The following LONP1 variants were observed in gnomAD, a reference collection of about 807,000 sequenced individuals.
The protein encoded by LONP1 is lon protease homolog, mitochondrial.
LONP1 carries 31 observed loss-of-function variants against 98.5 expected under a neutral mutation model. That is an observed-to-expected ratio of 0.31 (90% CI 0.24 to 0.42). The LOEUF is 0.42. LONP1 is among the 20% of genes least tolerant of loss of function. The probability of loss-of-function intolerance (pLI) is 1.00; values close to 1 mark genes in which losing one functional copy is unlikely to be tolerated. For synonymous variants in LONP1, 781 were observed against 594.7 expected, an observed-to-expected ratio of 1.31 and a Z score of -4.56; for missense variants, 1,336 against 1,350.6, an observed-to-expected ratio of 0.99 and a Z score of 0.17.
In LONP1 at chr19:5,700,684, CG is replaced by C. The variant is rs1325199318; in HGVS notation, c.1506+104del. On this transcript the variant is annotated intron_variant, in intron 9 of 17. Coordinates refer to ENST00000360614, the MANE Select transcript of LONP1 (RefSeq NM_004793.4). ...CCCCCGACCAGCACCCCCAGGCCTA[CG>C]AATTCACCAGGGGGCTCCTTTGAAA... 2.0e-6 allele frequency: 3 copies of C among 1,474,674 alleles called. No homozygotes were observed. The African/African-American group carries it at 4.2e-5, about 20-fold the overall frequency. The allele number at this position is 1,474,674 out of a possible 1,614,324, so 91.3% of individuals were successfully genotyped here. A position where few individuals can be genotyped will look rare whatever the true frequency, so the allele number is the denominator to read the frequency against.
chr19:5,720,148 G>A (rs1334078549), upstream of LONP1: 3 of 1,396,582 alleles, frequency 2.1e-6, 1 homozygote, highest in South Asian at 4.7e-5. Context: ...GGCCATACTG[G>A]CGGCTCACAC....
intron 11 of LONP1, 36 bp from the exon 12 acceptor site, chr19:5,696,407 T>G: frequency 1.2e-6 from 2 of 1,605,236 alleles, no homozygotes; most frequent in Admixed American, 3.3e-5. Context: ...CCCCTCGCCG[T>G]GCCCCTGGCC....
chr19:5,699,565 T>TG (rs1339725843), intron 9 of LONP1, among the ~76,000 whole-genome samples: 8 of 149,498 alleles, frequency 5.4e-5, no homozygotes, highest in African/African-American at 1.7e-4. Flanking sequence ...GTTTTTTTTT[T>TG]TTTTTTTTTT....
intron 1 of LONP1, among the ~76,000 whole-genome samples, chr19:5,717,087 C>T (rs1009985380): frequency 2.6e-5 from 4 of 152,228 alleles, no homozygotes; most frequent in Non-Finnish European, 4.4e-5. Flanking sequence ...AGCCACCGCG[C>T]CCAGCCCACG....
rs758800396 is a variant in LONP1 at position 5,696,239 on chromosome 19, G to C, written c.1896+10C>G. On this transcript the variant is annotated intron_variant, in intron 12 of 17. Coordinates refer to ENST00000360614, the MANE Select transcript of LONP1 (RefSeq NM_004793.4). ...CCCCAGCAAGCCCAGGCCCCAGACAGGCCCCCCACCTTGGACAAGTCCACG... is the reference window on the plus strand; with the variant it reads ...CCCCAGCAAGCCCAGGCCCCAGACACGCCCCCCACCTTGGACAAGTCCACG... The C allele has an allele frequency of 6.2e-7, 1 of 1,613,114 alleles. No individual in the cohort carries two copies. The highest frequency in any genetic ancestry group is 1.7e-5 in the Admixed American group (1 of 60,000).
upstream of LONP1, chr19:5,720,389 C>T (rs1392605980): frequency 3.4e-6 from 2 of 596,312 alleles, no homozygotes; most frequent in Admixed American, 3.6e-5. Flanking sequence ...AGCGCCCGTA[C>T]AAAACACTGG....
At chr19:5,695,740 C>T (rs2054914197) in intron 13 of LONP1, among the ~76,000 whole-genome samples, 3 of 152,272 alleles carry the variant, frequency 2.0e-5, no homozygotes, top group African/African-American at 4.8e-5. Context: ...CTGCCAGAAA[C>T]CTTCCCTACA....
intron 1 of LONP1, among the ~76,000 whole-genome samples, chr19:5,718,217 C>T (rs1223756949): frequency 6.6e-6 from 1 of 152,128 alleles, no homozygotes; most frequent in Non-Finnish European, 1.5e-5. Flanking sequence ...GTGACTCGCA[C>T]CTGCAATCCC....
chr19:5,695,953 T>C (rs2054919000), intron 13 of LONP1, 101 bp downstream of exon 13: 1 of 1,025,436 alleles, frequency 9.8e-7, no homozygotes, highest in Non-Finnish European at 1.4e-6. Flanking sequence ...CCCACCTGTC[T>C]CTCCCGGGCC....
rs775287901 is a variant in LONP1, at chr19:5,694,532, G to A, written c.2175C>T (p.Tyr725=). Residue 725 remains tyrosine (Y), a synonymous_variant, in exon 15 of 18, where the codon TAC becomes TAT. Transcript: ENST00000360614. The part of the protein sequence containing the change: ...QVEKVLRKSA[Y]KIVSGEAESV... ...ACTCGGCCTCGCCGCTGACAATCTTGTAGGCCGATTTCCGTAACACCTGGG... is the reference window on the plus strand; with the variant it reads ...ACTCGGCCTCGCCGCTGACAATCTTATAGGCCGATTTCCGTAACACCTGGG... 9 of 1,612,918 alleles carry A rather than the reference G, an allele frequency of 5.6e-6. No homozygotes were observed. The Admixed American group carries it at 1.0e-4, about 18-fold the overall frequency.
intron 2 of LONP1, 145 bp downstream of exon 2, chr19:5,714,038 T>C: frequency 3.3e-6 from 2 of 599,618 alleles, no homozygotes; most frequent in Middle Eastern, 3.0e-4. Context: ...AAAGGTAGCC[T>C]GCGTGGCTTC....
intron 1 of LONP1, 74 bp downstream of exon 1, chr19:5,719,630 T>G: frequency 6.2e-7 from 1 of 1,609,004 alleles, no homozygotes; most frequent in Non-Finnish European, 8.5e-7. Flanking sequence ...ACAAGGGCGC[T>G]CAAGTGATCC....
chr19:5,699,954 T>C (rs1236678863), intron 9 of LONP1, among the ~76,000 whole-genome samples: 1 of 152,094 alleles, frequency 6.6e-6, no homozygotes, highest in African/African-American at 2.4e-5. Context: ...AATTAATTAA[T>C]TTTCAGACAA....
intron 9 of LONP1, among the ~76,000 whole-genome samples, 165 bp downstream of exon 9, chr19:5,700,624 C>T (rs556285522): frequency 2.0e-5 from 3 of 152,314 alleles, no homozygotes; most frequent in African/African-American, 4.8e-5. Flanking sequence ...CTCGAGCCCT[C>T]GGGGGCAGGG....
chr19:5,702,525 T>TGAGGGGTGCCTCTGCCCGGCCA (rs1599462066), intron 8 of LONP1, among the ~76,000 whole-genome samples: 4 of 151,852 alleles, frequency 2.6e-5, no homozygotes, highest in East Asian at 1.9e-4. Flanking sequence ...ATCTGGGAGG[T>TGAGGGGTGCCTCTGCCCGGCCA]GTACCCAACA....
intron 4 of LONP1, chr19:5,708,654 T>C: frequency 2.1e-6 from 1 of 472,212 alleles, no homozygotes; most frequent in Middle Eastern, 5.6e-4. Context: ...CTCAGAGCCT[T>C]GTCCTTAGGA....
intron 7 of LONP1, 104 bp from the exon 8 acceptor site, chr19:5,706,096 G>T (rs1599467333): frequency 4.1e-6 from 3 of 723,818 alleles, no homozygotes; most frequent in African/African-American, 3.5e-5. Context: ...GACTCAGAGA[G>T]AAAAGAAACG....
At chr19:5,701,831 A>G (rs1358386986) in intron 8 of LONP1, among the ~76,000 whole-genome samples, 2 of 145,768 alleles carry the variant, frequency 1.4e-5, no homozygotes, top group South Asian at 2.2e-4. Flanking sequence ...CTGGCTGCCC[A>G]GTCTGGAAGG....
intron 10 of LONP1, among the ~76,000 whole-genome samples, chr19:5,698,041 C>T (rs1028112461): frequency 6.7e-6 from 1 of 149,616 alleles, no homozygotes; most frequent in African/African-American, 2.5e-5. Context: ...AACCAAGGGC[C>T]TGCAGAACAG....
Sources: gnomAD v4.1 joint callset for allele counts (sites outside exome capture counted in the v4.1 genomes callset) on GRCh38, gnomAD v4.1.1 for gene constraint, MANE v1.5 for transcripts, NCBI Gene and HGNC (gene_info 2026-07-23, HGNC 2026-07-21) for gene names.